Variants in ATP1A1 observed in about 807,000 individuals in gnomAD.
The protein encoded by ATP1A1 is sodium/potassium-transporting ATPase subunit alpha-1.
Under a neutral mutation model 114.8 loss-of-function variants are expected in ATP1A1, and 14 were observed. The observed-to-expected ratio is 0.12, with a 90% confidence interval of 0.08 to 0.19. The LOEUF is 0.19. Ranked by LOEUF, ATP1A1 falls within the 10% of genes least tolerant of loss-of-function variation. The pLI, the probability that ATP1A1 is intolerant of heterozygous loss-of-function variation, is 1.00. For synonymous variants in ATP1A1, 471 were observed against 466.3 expected, an observed-to-expected ratio of 1.01 and a Z score of -0.13; for missense variants, 524 against 1,290.7, an observed-to-expected ratio of 0.41 and a Z score of 9.10.
chr1:116,373,521 G>T lies in ATP1A1; in HGVS notation c.10G>T (p.Gly4Trp). 6.8e-7 allele frequency: 1 copy of T among 1,477,084 alleles called. No homozygotes were observed. The highest frequency in any genetic ancestry group is 9.0e-7 in the Non-Finnish European group (1 of 1,116,810). The allele number at this position is 1,477,084 out of a possible 1,614,324, so 91.5% of individuals were successfully genotyped here. The part of the protein sequence containing the change: MGK[G>W]VGRDKYEPAA... Reference sequence around the variant, plus strand: ...ACTGAGCACCGCCACCATGGGGAAGGGGGTGAGTGTCCGGCGCGCCCGGGG... The same window carrying T: ...ACTGAGCACCGCCACCATGGGGAAGTGGGTGAGTGTCCGGCGCGCCCGGGG... Residue 4 changes from glycine to tryptophan, a missense_variant and splice_region_variant, in exon 1 of 23, where the codon GGG becomes TGG. Gly to Trp is a radical substitution (Grantham distance 184). This residue lies in a region of ATP1A1 where 33 missense variants were observed against 31.2 expected (regional missense o/e 1.06). Transcript: ENST00000295598.
At position 116,401,286 on chromosome 1, in the gene ATP1A1, C is replaced by T. The variant is rs1226942942; in HGVS notation, c.2849+26C>T. 6.2e-7 allele frequency: 1 copy of T among 1,613,216 alleles called. No individual in the cohort carries two copies. Among genetic ancestry groups the T allele is most frequent in the South Asian group, 1.1e-5 (1 of 91,080 alleles). On this transcript the variant is annotated intron_variant, in intron 20 of 22. Transcript: ENST00000295598. This position sits in a 1 kb window ranked among gnomAD's most constrained non-coding sequence, Gnocchi z 4.7. ...GTAAGTAATGAAGGACATGTCAAGG[C>T]CTTGGCTCAAAGAAGGGGACTGGTG...
intron 8 of ATP1A1, 73 bp from the exon 9 acceptor site, chr1:116,390,140 T>C: frequency 7.0e-7 from 1 of 1,437,008 alleles, no homozygotes; most frequent in East Asian, 2.3e-5. Flanking sequence ...TCTTCCACAT[T>C]AGGATATAGC....
rs377754449 is a variant in ATP1A1 at position 116,399,556 on chromosome 1, C to T, written c.2572+13C>T. 1.1e-5 allele frequency: 18 copies of T among 1,613,690 alleles called. No homozygotes were observed. In the African/African-American group the frequency reaches 2.1e-4, roughly 19 times the overall value. Reference sequence around the variant, plus strand: ...TATGGGCAGATTGGTAAGCTGCAGCCTGGAGTGGGAAGCTGGCACATCTAA... The same window carrying T: ...TATGGGCAGATTGGTAAGCTGCAGCTTGGAGTGGGAAGCTGGCACATCTAA... On this transcript the variant is annotated intron_variant, in intron 18 of 22. Transcript: ENST00000295598. The surrounding 1 kb of genome is among the most constrained non-coding windows in gnomAD (Gnocchi z 5.0).
chr1:116,374,337 A>G (rs1329494693), intron 1 of ATP1A1: 1 of 1,540,602 alleles, frequency 6.5e-7, no homozygotes, highest in Non-Finnish European at 8.8e-7. Context: ...AGAGGCGTGC[A>G]GATTTTTTTT....
intron 1 of ATP1A1, among the ~76,000 whole-genome samples, chr1:116,380,238 T>A (rs184764899): frequency 2.0e-5 from 3 of 152,276 alleles, no homozygotes; most frequent in African/African-American, 7.2e-5. Flanking sequence ...CTAGAATAAA[T>A]TGGCAGACTC....
In ATP1A1 at chr1:116,388,396, C is replaced by T. The variant is rs1652237699; in HGVS notation, c.501+152C>T. 8.4e-6 allele frequency: 8 copies of T among 952,580 alleles called. No homozygotes were observed. The highest frequency in any genetic ancestry group is 1.2e-5 in the Non-Finnish European group (8 of 641,854). 59.0% of individuals were successfully genotyped at this position (952,580 alleles called of 1,614,324 possible). ...CCCCACCCAAAACCAACCTATTTTCCTTCTATCCAAAAAGTGGTAGCCTTT... is the reference window on the plus strand; with the variant it reads ...CCCCACCCAAAACCAACCTATTTTCTTTCTATCCAAAAAGTGGTAGCCTTT... On this transcript the variant is annotated intron_variant, in intron 5 of 22. Transcript: ENST00000295598. This position sits in a 1 kb window ranked among gnomAD's most constrained non-coding sequence, Gnocchi z 5.6.
rs2101046649 is a variant in ATP1A1 at position 116,390,392 on chromosome 1, T to C, written c.1203T>C (p.Asp401=). Residue 401 remains aspartate, a synonymous_variant, in exon 9 of 23, where the codon GAT becomes GAC. Transcript: ENST00000295598. ...TTGACAATCAAATCCATGAAGCTGATACGACAGAGAATCAGAGTGGTAAGG... is the reference window on the plus strand; with the variant it reads ...TTGACAATCAAATCCATGAAGCTGACACGACAGAGAATCAGAGTGGTAAGG... ...MWFDNQIHEA[D]TTENQSGVSF... 6.2e-7 allele frequency: 1 copy of C among 1,614,068 alleles called. No individual in the cohort carries two copies. The highest frequency in any genetic ancestry group is 8.5e-7 in the Non-Finnish European group (1 of 1,180,034).
At chr1:116,390,682 T>C in intron 9 of ATP1A1, 100 bp from the exon 10 acceptor site, 1 of 997,806 alleles carries the variant, frequency 1.0e-6, no homozygotes, top group Non-Finnish European at 1.5e-6. Context: ...AAATGAGATG[T>C]ATCACTGCAG....
Position 116,388,521 on chromosome 1 carries a change from T to A in ATP1A1, c.502-117T>A, listed in dbSNP as rs1190055249. ...TAACTTGTGTAAATAAAAAAGTGAA[T>A]AATATCTTTGTTTTGTATTCAGGTA... On this transcript the variant is annotated intron_variant, in intron 5 of 22. Coordinates refer to ENST00000295598, the MANE Select transcript of ATP1A1 (RefSeq NM_000701.8). This position sits in a 1 kb window ranked among gnomAD's most constrained non-coding sequence, Gnocchi z 5.6. 7.2e-7 allele frequency: 1 copy of A among 1,385,686 alleles called. No individual in the cohort carries two copies. Among genetic ancestry groups the A allele is most frequent in the South Asian group, 1.4e-5 (1 of 70,384 alleles). 85.8% of individuals were successfully genotyped at this position (1,385,686 alleles called of 1,614,324 possible).
chr1:116,374,370 G>A (rs1000725645), intron 1 of ATP1A1: 13 of 1,400,286 alleles, frequency 9.3e-6, no homozygotes, highest in Non-Finnish European at 1.3e-5. Context: ...CCTGAAGGAG[G>A]ATAGGCAGAC....
At chr1:116,378,048 CAT>C (rs763364264) in intron 1 of ATP1A1, among the ~76,000 whole-genome samples, 2 of 152,192 alleles carry the variant, frequency 1.3e-5, no homozygotes, top group Non-Finnish European at 2.9e-5. Context: ...TGGCTGGAGT[CAT>C]AGAGAGACTG....
At position 116,387,416 on chromosome 1, in the gene ATP1A1, G is replaced by C; in HGVS notation, c.312G>C (p.Leu104=). The change falls in exon 4 of 23, where the codon CTG becomes CTC. Residue 104 remains leucine, a synonymous_variant. Transcript: ENST00000295598. This position sits in a 1 kb window ranked among gnomAD's most constrained non-coding sequence, Gnocchi z 6.7. ...RQLFGGFSML[L]WIGAILCFLA... ...TCTTTGGGGGGTTCTCAATGTTACT[G>C]TGGATTGGAGCGATTCTTTGTTTCT... 1 of 1,614,220 alleles carries C rather than the reference G, an allele frequency of 6.2e-7. No homozygotes were observed. Among genetic ancestry groups the C allele is most frequent in the Non-Finnish European group, 8.5e-7 (1 of 1,180,046 alleles).
At chr1:116,374,037 C>T (rs1415509593) in intron 1 of ATP1A1, 3 of 1,408,536 alleles carry the variant, frequency 2.1e-6, no homozygotes, top group Admixed American at 3.0e-5. Context: ...TCCCGGGCCT[C>T]CGTTCCCGCC....
At position 116,388,993 on chromosome 1, in the gene ATP1A1, C is replaced by T; in HGVS notation, c.728C>T (p.Ala243Val). 6.2e-7 allele frequency: 1 copy of T among 1,614,128 alleles called. No homozygotes were observed. The highest frequency in any genetic ancestry group is 8.5e-7 in the Non-Finnish European group (1 of 1,180,016). Residue 243 changes from alanine to valine, a missense_variant, in exon 7 of 23, where the codon GCC becomes GTC. Physicochemically the swap from Ala to Val is moderately conservative, Grantham distance 64. This residue lies in a region of ATP1A1 where 141 missense variants were observed against 316.6 expected (regional missense o/e 0.45). Coordinates refer to ENST00000295598, the MANE Select transcript of ATP1A1 (RefSeq NM_000701.8). This position sits in a 1 kb window ranked among gnomAD's most constrained non-coding sequence, Gnocchi z 5.6. ...NENPLETRNI[A>V]FFSTNCVEGT... ...AACCCCCTGGAGACGAGGAACATTG[C>T]CTTCTTTTCAACCAATTGTGTTGAA...
At position 116,389,578 on chromosome 1, in the gene ATP1A1, G is replaced by A; in HGVS notation, c.894G>A (p.Val298=). 2 of 1,614,194 alleles carry A rather than the reference G, an allele frequency of 1.2e-6. No homozygotes were observed. Among genetic ancestry groups the A allele is most frequent in the Non-Finnish European group, 8.5e-7 (1 of 1,180,032 alleles). Residue 298 remains valine (V), a synonymous_variant, in exon 8 of 23, where the codon GTG becomes GTA. Transcript: ENST00000295598. The surrounding 1 kb of genome is among the most constrained non-coding windows in gnomAD (Gnocchi z 6.9). The stretch of plus-strand genomic sequence containing the variant: ...ATTTTATCCACATCATCACGGGTGT[G>A]GCTGTGTTCCTGGGTGTGTCTTTCT... ...IEHFIHIITG[V]AVFLGVSFFI...
At position 116,404,327 on chromosome 1, in the gene ATP1A1, G is replaced by T; in HGVS notation, c.3044-89G>T. 1 of 1,525,116 alleles carries T rather than the reference G, an allele frequency of 6.6e-7. No homozygotes were observed. The highest frequency in any genetic ancestry group is 9.1e-7 in the Non-Finnish European group (1 of 1,103,774). The allele number at this position is 1,525,116 out of a possible 1,614,324, so 94.5% of individuals were successfully genotyped here. ...ACACACCCGACCCCCATCATCCTCC[G>T]GTTGGTTTTCATCCCTGTTTCCCTC... On this transcript the variant is annotated intron_variant, in intron 22 of 22. Transcript: ENST00000295598. This position sits in a 1 kb window ranked among gnomAD's most constrained non-coding sequence, Gnocchi z 4.8.
chr1:116,404,370 G>A lies in ATP1A1; in HGVS notation c.3044-46G>A. 6.2e-7 allele frequency: 1 copy of A among 1,609,756 alleles called. No homozygotes were observed. The highest frequency in any genetic ancestry group is 2.2e-5 in the East Asian group (1 of 44,836). On this transcript the variant is annotated intron_variant, in intron 22 of 22. Coordinates refer to ENST00000295598, the MANE Select transcript of ATP1A1 (RefSeq NM_000701.8). The surrounding 1 kb of genome is among the most constrained non-coding windows in gnomAD (Gnocchi z 4.8). Reference sequence around the variant, plus strand: ...TTTCCCTCTGTAATGCTGGAGCGAGGAAGACTCACTGTAGTGTGTCTTGTC... The same window carrying A: ...TTTCCCTCTGTAATGCTGGAGCGAGAAAGACTCACTGTAGTGTGTCTTGTC...
Position 116,384,729 on chromosome 1 carries a change from C to T in ATP1A1, c.124-54C>T. The T allele has an allele frequency of 2.7e-6, 4 of 1,463,298 alleles. No homozygotes were observed. The highest frequency in any genetic ancestry group is 2.2e-5 in the Admixed American group (1 of 45,688). The allele number at this position is 1,463,298 out of a possible 1,614,324, so 90.6% of individuals were successfully genotyped here. A position where few individuals can be genotyped will look rare whatever the true frequency, so the allele number is the denominator to read the frequency against. On this transcript the variant is annotated intron_variant, in intron 2 of 22. Coordinates refer to ENST00000295598, the MANE Select transcript of ATP1A1 (RefSeq NM_000701.8). This position sits in a 1 kb window ranked among gnomAD's most constrained non-coding sequence, Gnocchi z 5.1. ...TAATGAATAATGCTATTTTTTCTGT[C>T]ATTTTTTTATACTACACTGTTTAAC...
chr1:116,403,071 G>A (rs1308027716), intron 21 of ATP1A1, among the ~76,000 whole-genome samples: 3 of 152,126 alleles, frequency 2.0e-5, no homozygotes, highest in Non-Finnish European at 2.9e-5. Context: ...CCATCTTCTG[G>A]GTCCTTCCCT....
Sources: gnomAD v4.1 joint callset for allele counts (sites outside exome capture counted in the v4.1 genomes callset) on GRCh38, gnomAD v4.1.1 for gene constraint, gnomAD v4.1.1 regional missense constraint, Gnocchi (gnomAD v3.1) non-coding constraint, MANE v1.5 for transcripts, NCBI Gene and HGNC (gene_info 2026-07-23, HGNC 2026-07-21) for gene names.